Variants in GREP1 observed in about 807,000 individuals in gnomAD.
GREP1 encodes glycine rich extracellular protein 1.
intron 2 of GREP1, 62 bp downstream of exon 2, chr16:2,988,684 G>A (rs1471536692): frequency 5.0e-6 from 2 of 398,816 alleles, no homozygotes; most frequent in Non-Finnish European, 8.8e-6. Context: ...CCCTGGGGGT[G>A]TGGGAGCTCT....
Position 3,001,284 on chromosome 16 carries a change from GC to G in GREP1, c.1539del (p.Asp514ThrfsTer2). The G allele has an allele frequency of 7.5e-6, 3 of 399,146 alleles. No individual in the cohort carries two copies. The highest frequency in any genetic ancestry group is 1.3e-5 in the Non-Finnish European group (3 of 226,116). 24.7% of individuals were successfully genotyped at this position (399,146 alleles called of 1,614,324 possible). ...GGTCTGTCTGTCTGTGCCACAGGGGGCCCCGACGTGAAGAGAGGCAGCAATG... is the reference window on the plus strand; with the variant it reads ...GGTCTGTCTGTCTGTGCCACAGGGGGCCCGACGTGAAGAGAGGCAGCAATG... On this transcript the variant is annotated frameshift_variant, in exon 34 of 35. Coordinates refer to ENST00000573315, the Ensembl canonical transcript of GREP1. LOFTEE classifies it low-confidence loss of function (END_TRUNC).
intron 18 of GREP1, 144 bp from the exon 18 acceptor site, chr16:2,996,352 G>T: frequency 2.5e-6 from 1 of 397,120 alleles, no homozygotes; most frequent in Non-Finnish European, 4.4e-6. Flanking sequence ...ATGTGGCTCT[G>T]CCTCTGTGTC....
At position 2,997,809 on chromosome 16, in the gene GREP1, GA is replaced by G. The variant is rs1326309787; in HGVS notation, c.924del (p.Glu309ArgfsTer3). On this transcript the variant is annotated frameshift_variant, in exon 23 of 35. Coordinates refer to ENST00000573315, the Ensembl canonical transcript of GREP1. LOFTEE classifies it high-confidence loss of function. ...CCTACTCGCATCTCTCCAGGTGCTG[GA>G]GAGGGCATGAAACCTCAGAAGCCAG... 7.5e-6 allele frequency: 3 copies of G among 398,318 alleles called. No individual in the cohort carries two copies. Among genetic ancestry groups the G allele is most frequent in the Non-Finnish European group, 4.4e-6 (1 of 226,028 alleles). 24.7% of individuals were successfully genotyped at this position (398,318 alleles called of 1,614,324 possible).
At chr16:2,995,153 C>T (rs937694185) in intron 13 of GREP1, 131 bp from the exon 15 acceptor site, 9 of 395,818 alleles carry the variant, frequency 2.3e-5, no homozygotes, top group Non-Finnish European at 3.5e-5. Flanking sequence ...CCGACAAGCC[C>T]CCCACCTCAG....
intron 5 of GREP1, 76 bp downstream of exon 5, chr16:2,990,198 G>T (rs1021840987): frequency 5.0e-6 from 2 of 398,384 alleles, no homozygotes; most frequent in Non-Finnish European, 4.4e-6. Flanking sequence ...GAGATTGTTG[G>T]GGGGAGGCGC....
intron 27 of GREP1, among the ~76,000 whole-genome samples, chr16:2,999,557 T>C (rs1177874385): frequency 6.9e-6 from 1 of 145,478 alleles, no homozygotes; most frequent in Admixed American, 7.2e-5. Context: ...CAATTTTGGC[T>C]CACTGCAAAA....
intron 23 of GREP1, among the ~76,000 whole-genome samples, chr16:2,998,057 G>A (rs989583594): frequency 6.7e-6 from 1 of 149,022 alleles, no homozygotes; most frequent in African/African-American, 2.5e-5. Flanking sequence ...TCTCAGTGGG[G>A]GAAGGGGTGG....
At chr16:2,998,457 C>T in intron 24 of GREP1, 37 bp from the exon 23 acceptor site, 2 of 399,324 alleles carry the variant, frequency 5.0e-6, no homozygotes, top group Non-Finnish European at 8.8e-6. Flanking sequence ...CCTCTGCCCC[C>T]AGTGTTGCCA....
intron 23 of GREP1, among the ~76,000 whole-genome samples, chr16:2,998,151 C>T (rs2072436597): frequency 1.3e-5 from 2 of 152,066 alleles, no homozygotes; most frequent in South Asian, 2.1e-4. Flanking sequence ...TTGCTCTCTG[C>T]CCCTCTTCCT....
chr16:2,995,915 G>A lies in GREP1; in HGVS notation c.676+5G>A, dbSNP rs113951551. On this transcript the variant is annotated splice_donor_5th_base_variant and intron_variant, in intron 18 of 34. Coordinates refer to ENST00000573315, the Ensembl canonical transcript of GREP1. ...CTGGGGCTGGAACCCAGCCAGGTGA[G>A]GACACCTGGGGTAGGAGCCCAGGCT... The A allele has an allele frequency of 4.2e-3, 1,679 of 398,296 alleles. 23 individuals are homozygous for A. The highest frequency in any genetic ancestry group is 0.031 in the African/African-American group (1,513 of 48,614). 24.7% of individuals were successfully genotyped at this position (398,296 alleles called of 1,614,324 possible). A position where few individuals can be genotyped will look rare whatever the true frequency, so the allele number is the denominator to read the frequency against.
rs201113002 is a variant in GREP1, at chr16:2,997,953, G to C, written c.949+118G>C. 468 of 394,066 alleles carry C rather than the reference G, an allele frequency of 1.2e-3. 3 individuals are homozygous for C. The East Asian group carries it at 0.016, about 13-fold the overall frequency. 24.4% of individuals were successfully genotyped at this position (394,066 alleles called of 1,614,324 possible). On this transcript the variant is annotated intron_variant, in intron 23 of 34. Coordinates refer to ENST00000573315, the Ensembl canonical transcript of GREP1. ...GGTGCAAGAACGGGCTGGAGCTGGA[G>C]CCTTCCTGTGGGAAGGAGCCCAGCC...
intron 1 of GREP1, 102 bp from the exon 2 acceptor site, chr16:2,988,488 A>C: frequency 5.0e-6 from 2 of 398,966 alleles, no homozygotes; most frequent in Admixed American, 8.8e-5. Flanking sequence ...GAGAATTCAG[A>C]CAGTGAGGGT....
exon 32 of GREP1, chr16:3,000,599 C>A: frequency 5.0e-6 from 2 of 398,852 alleles, no homozygotes; most frequent in South Asian, 1.3e-4. Context: ...GCAGCTCTAG[C>A]CCCTGAAGGA....
Position 2,991,428 on chromosome 16 carries a change from AC to A in GREP1, c.322+331del. 4.0e-6 allele frequency: 1 copy of A among 250,820 alleles called. No individual in the cohort carries two copies. The highest frequency in any genetic ancestry group is 7.5e-6 in the Non-Finnish European group (1 of 132,504). The allele number at this position is 250,820 out of a possible 1,614,324, so 15.5% of individuals were successfully genotyped here. On this transcript the variant is annotated intron_variant, in intron 8 of 34. Transcript: ENST00000573315. The surrounding 1 kb of genome is among the most constrained non-coding windows in gnomAD (Gnocchi z 4.9). ...CGCTGGCACTCTTCCAGGGGCAGGA[AC>A]CCCACCAGGTGAGGGTGGCTGGGCA...
At chr16:3,001,734 C>T (rs1159962571) in exon 35 of GREP1, 2 of 398,184 alleles carry the variant, frequency 5.0e-6, no homozygotes, top group Non-Finnish European at 4.4e-6. Flanking sequence ...GGCTTGCTGA[C>T]CAGGGTGGGA....
rs1281454435 is a variant in GREP1, at chr16:2,989,619, G to A, written c.130+67G>A. The A allele has an allele frequency of 2.5e-5, 10 of 399,844 alleles. No homozygotes were observed. The highest frequency in any genetic ancestry group is 2.5e-4 in the South Asian group (2 of 7,852). The allele number at this position is 399,844 out of a possible 1,614,324, so 24.8% of individuals were successfully genotyped here. On this transcript the variant is annotated intron_variant, in intron 3 of 34. Transcript: ENST00000573315. This position sits in a 1 kb window ranked among gnomAD's most constrained non-coding sequence, Gnocchi z 4.2. ...CACGGGGCAGGGGGGAGGCAGGACA[G>A]GAACAGGGAAAGCTGGGCGGGGGGC... is the stretch of plus-strand genomic sequence containing the variant.
chr16:2,993,037 C>T (rs1220902883), intron 10 of GREP1, 74 bp downstream of exon 11: 4 of 398,132 alleles, frequency 1.0e-5, no homozygotes, highest in Non-Finnish European at 1.3e-5. Context: ...AGTCCCTGAT[C>T]TCCCCATTCT....
intron 27 of GREP1, among the ~76,000 whole-genome samples, chr16:2,999,589 A>G (rs527306357): frequency 2.7e-5 from 4 of 145,798 alleles, no homozygotes; most frequent in Admixed American, 1.5e-4. Context: ...AGTAGTTGGC[A>G]TTACAGGCAC....
chr16:2,998,801 G>T (rs991731907), intron 25 of GREP1, 47 bp from the exon 24 acceptor site: 5 of 398,952 alleles, frequency 1.3e-5, no homozygotes, highest in East Asian at 7.1e-5. Context: ...CGTCGGTGAG[G>T]ACTGGCCTGG....
Sources: gnomAD v4.1 joint callset for allele counts (sites outside exome capture counted in the v4.1 genomes callset) on GRCh38, gnomAD v4.1.1 for gene constraint, Gnocchi (gnomAD v3.1) non-coding constraint, MANE v1.5 for transcripts, NCBI Gene and HGNC (gene_info 2026-07-23, HGNC 2026-07-21) for gene names.